THSD7A: variants seen among roughly 807,000 people sequenced by gnomAD.
The protein encoded by THSD7A is thrombospondin type 1 domain containing 7A, also known as thrombospondin type-1 domain-containing protein 7A.
Under a neutral mutation model 231.3 loss-of-function variants are expected in THSD7A, and 96 were observed. That is an observed-to-expected ratio of 0.41 (90% CI 0.35 to 0.49). The LOEUF is 0.49. Ranked by LOEUF, THSD7A falls within the 20% of genes least tolerant of loss-of-function variation. The pLI, the probability that THSD7A is intolerant of heterozygous loss-of-function variation, is 0.05. For synonymous variants in THSD7A, 940 were observed against 743.3 expected, an observed-to-expected ratio of 1.26 and a Z score of -4.30; for missense variants, 2,290 against 2,070.2, an observed-to-expected ratio of 1.11 and a Z score of -2.06.
intron 1 of THSD7A, among the ~76,000 whole-genome samples, chr7:11,763,071 G>A (rs1055084964): frequency 6.6e-6 from 1 of 152,064 alleles, no homozygotes; most frequent in Non-Finnish European, 1.5e-5. Flanking sequence ...TCTTTATTGG[G>A]TCCCTATCAC....
At chr7:11,729,008 C>T (rs919425547) in intron 1 of THSD7A, among the ~76,000 whole-genome samples, 9 of 151,260 alleles carry the variant, frequency 6.0e-5, no homozygotes, top group Non-Finnish European at 1.3e-4. Flanking sequence ...AAGATGAAAC[C>T]ATATCATTAA....
intron 1 of THSD7A, among the ~76,000 whole-genome samples, chr7:11,764,339 T>C (rs1056432703): frequency 6.6e-6 from 1 of 152,172 alleles, no homozygotes; most frequent in African/African-American, 2.4e-5. Context: ...CCCAGCACTT[T>C]GGGAGGCCGA....
At chr7:11,389,627 G>C (rs971326648) in intron 23 of THSD7A, among the ~76,000 whole-genome samples, 1 of 151,706 alleles carries the variant, frequency 6.6e-6, no homozygotes, top group Admixed American at 6.6e-5. Context: ...TTACATTTAA[G>C]GTTAATATTG....
At chr7:11,458,493 G>T (rs1345938519) in intron 11 of THSD7A, among the ~76,000 whole-genome samples, 1 of 152,116 alleles carries the variant, frequency 6.6e-6, no homozygotes, top group African/African-American at 2.4e-5. Context: ...TATATCACTT[G>T]TTATAATGCA....
At chr7:11,706,271 T>C (rs1780762337) in intron 1 of THSD7A, among the ~76,000 whole-genome samples, 1 of 150,902 alleles carries the variant, frequency 6.6e-6, no homozygotes, top group Non-Finnish European at 1.5e-5. Context: ...TCAACCCAAG[T>C]GCTGTGGTCT....
At chr7:11,393,226 T>A (rs930709894) in intron 23 of THSD7A, among the ~76,000 whole-genome samples, 1 of 152,192 alleles carries the variant, frequency 6.6e-6, no homozygotes, top group Non-Finnish European at 1.5e-5. Flanking sequence ...GCAGCCTCCG[T>A]TGGTGATATC....
At chr7:11,797,571 C>G (rs750380322) in intron 1 of THSD7A, among the ~76,000 whole-genome samples, 5 of 151,758 alleles carry the variant, frequency 3.3e-5, no homozygotes, top group Non-Finnish European at 7.4e-5. Context: ...TGCACATCAC[C>G]ATGTCTGACT....
chr7:11,375,842 G>C lies in THSD7A; in HGVS notation c.4926C>G (p.Asn1642Lys). 1.2e-6 allele frequency: 2 copies of C among 1,612,788 alleles called. No homozygotes were observed. The highest frequency in any genetic ancestry group is 1.7e-6 in the Non-Finnish European group (2 of 1,179,112). ...KPKKPQRRQN[N>K]RLKPLTLAYD... ...AGGCTAAGGTTAAAGGTTTCAGTCG[G>C]TTGTTTTGCCTTCTTTGGGGTTTCT... The change falls in exon 28 of 28, where the codon AAC becomes AAG. Residue 1642 changes from asparagine to lysine, a missense_variant. Transcript: ENST00000423059.
intron 1 of THSD7A, among the ~76,000 whole-genome samples, chr7:11,739,263 C>A (rs190496515): frequency 2.6e-4 from 39 of 151,904 alleles, no homozygotes; most frequent in African/African-American, 9.4e-4. Context: ...TTTAATAAGG[C>A]CAGTGAATAA....
intron 1 of THSD7A, among the ~76,000 whole-genome samples, chr7:11,747,548 A>G (rs1393814867): frequency 6.6e-6 from 1 of 151,938 alleles, no homozygotes; most frequent in Non-Finnish European, 1.5e-5. Flanking sequence ...TTATACCATA[A>G]CTTTTATGTC....
chr7:11,636,600 C>T lies in THSD7A; in HGVS notation c.552G>A (p.Glu184=), dbSNP rs753905597. ...GCTGGCAAGGAATGAGGCAAGCCTG[C>T]TCCAGGAGAGGCTTGGGCTCAAAGT... ...CEYFEPKPLL[E]QACLIPCQQD... The change falls in exon 2 of 28, where the codon GAG becomes GAA. Residue 184 remains glutamate, a synonymous_variant. Coordinates refer to ENST00000423059, the MANE Select transcript of THSD7A (RefSeq NM_015204.3). This position sits in a 1 kb window ranked among gnomAD's most constrained non-coding sequence, Gnocchi z 10.0. 47 of 1,613,892 alleles carry T rather than the reference C, an allele frequency of 2.9e-5. No individual in the cohort carries two copies. The highest frequency in any genetic ancestry group is 3.9e-5 in the Non-Finnish European group (46 of 1,179,906).
At chr7:11,830,545 A>C (rs1554283336) in intron 1 of THSD7A, among the ~76,000 whole-genome samples, 2 of 152,262 alleles carry the variant, frequency 1.3e-5, no homozygotes, top group Non-Finnish European at 1.5e-5. Flanking sequence ...TGTTAGCAAG[A>C]ATAATCTTGC....
At chr7:11,741,613 A>G (rs956072245) in intron 1 of THSD7A, among the ~76,000 whole-genome samples, 1 of 151,922 alleles carries the variant, frequency 6.6e-6, no homozygotes, top group African/African-American at 2.4e-5. Flanking sequence ...TTTTCATTAG[A>G]TTTATAACTG....
chr7:11,507,664 A>G (rs559499794), intron 6 of THSD7A, among the ~76,000 whole-genome samples: 1 of 151,852 alleles, frequency 6.6e-6, no homozygotes, highest in Non-Finnish European at 1.5e-5. Context: ...TACTGCTAAT[A>G]ATACTAATTT....
chr7:11,515,524 T>C (rs1415023655), intron 6 of THSD7A, among the ~76,000 whole-genome samples: 1 of 152,158 alleles, frequency 6.6e-6, no homozygotes, highest in African/African-American at 2.4e-5. Context: ...GATCTATTTA[T>C]ATAATATAAA....
intron 6 of THSD7A, among the ~76,000 whole-genome samples, chr7:11,538,505 A>C (rs1469649797): frequency 6.6e-6 from 1 of 152,170 alleles, no homozygotes; most frequent in Non-Finnish European, 1.5e-5. Context: ...GCTTTGCCAG[A>C]TTTACACCTT....
At chr7:11,669,574 AT>A (rs1783290573) in intron 1 of THSD7A, among the ~76,000 whole-genome samples, 1 of 151,840 alleles carries the variant, frequency 6.6e-6, no homozygotes, top group Non-Finnish European at 1.5e-5. Flanking sequence ...AGACCACTCT[AT>A]TTTTTGGTTA....
At chr7:11,680,735 G>A (rs1783835931) in intron 1 of THSD7A, among the ~76,000 whole-genome samples, 4 of 152,042 alleles carry the variant, frequency 2.6e-5, no homozygotes, top group Admixed American at 2.6e-4. Context: ...AAATAAGAAT[G>A]CTTTTACAGT....
rs60557440 is a variant in THSD7A, at chr7:11,814,657, C to A, written c.190+17100G>T. Among the ~76,000 whole-genome samples, 43,790 of 152,022 alleles carry A rather than the reference C, an allele frequency of 0.29. 7,394 individuals carry two copies. The highest frequency in any genetic ancestry group is 0.47 in the African/African-American group (19,672 of 41,456). On this transcript the variant is annotated intron_variant, in intron 1 of 27. Transcript: ENST00000423059. This position sits in a 1 kb window ranked among gnomAD's most constrained non-coding sequence, Gnocchi z 5.1. The stretch of plus-strand genomic sequence containing the variant: ...GCAGTTCAAAACCAGTTCTCTTATA[C>A]AATGAGCCAAGAGAACTAAAGAAAT...
Sources: allele counts gnomAD v4.1 joint callset (sites outside exome capture counted in the v4.1 genomes callset), GRCh38; gene constraint gnomAD v4.1.1; non-coding constraint Gnocchi (gnomAD v3.1); transcripts MANE v1.5; gene names NCBI Gene and HGNC (gene_info 2026-07-23, HGNC 2026-07-21).